The following NIM1K variants were observed in gnomAD, a reference collection of about 807,000 sequenced individuals.
NIM1K encodes the protein NIM1 serine/threonine protein kinase.
NIM1K carries 35 observed loss-of-function variants against 37.1 expected under a neutral mutation model. The ratio of observed to expected loss-of-function variants is 0.94; its 90% CI spans 0.72 to 1.25. The LOEUF is 1.25. Ranked by LOEUF, NIM1K falls within the 50% of genes most tolerant of loss-of-function variation. The pLI, the probability that NIM1K is intolerant of heterozygous loss-of-function variation, is 0.00. For synonymous variants in NIM1K, 234 were observed against 206.6 expected, an observed-to-expected ratio of 1.13 and a Z score of -1.14; for missense variants, 564 against 548.0, an observed-to-expected ratio of 1.03 and a Z score of -0.29.
At position 43,280,780 on chromosome 5, in the gene NIM1K, A is replaced by G. The variant is rs1162191139; in HGVS notation, c.*51A>G. On this transcript the variant is annotated 3_prime_UTR_variant, in exon 4 of 4. Coordinates refer to ENST00000326035, the MANE Select transcript of NIM1K (RefSeq NM_153361.4). Reference sequence around the variant, plus strand: ...CCAAGATGATTGTTGCTGCTTCTAAATTTTTTTCAAGGACAACTTGAGTGG... The same window carrying G: ...CCAAGATGATTGTTGCTGCTTCTAAGTTTTTTTCAAGGACAACTTGAGTGG... 3 of 1,480,004 alleles carry G rather than the reference A, an allele frequency of 2.0e-6. No homozygotes were observed. The highest frequency in any genetic ancestry group is 2.3e-5 in the East Asian group (1 of 43,546). 91.7% of individuals were successfully genotyped at this position (1,480,004 alleles called of 1,614,324 possible).
chr5:43,241,174 C>A (rs889657185), intron 1 of NIM1K, among the ~76,000 whole-genome samples: 1 of 151,722 alleles, frequency 6.6e-6, no homozygotes, highest in African/African-American at 2.4e-5. Context: ...TGTGAAAAAT[C>A]TAATTTTAGT....
At chr5:43,237,475 A>C (rs1485481444) in intron 1 of NIM1K, among the ~76,000 whole-genome samples, 1 of 152,250 alleles carries the variant, frequency 6.6e-6, no homozygotes, top group Non-Finnish European at 1.5e-5. Flanking sequence ...CAAAATCTAA[A>C]GGGCAAAGGC....
intron 1 of NIM1K, among the ~76,000 whole-genome samples, chr5:43,227,194 C>T (rs1262542121): frequency 6.6e-6 from 1 of 152,064 alleles, no homozygotes; most frequent in African/African-American, 2.4e-5. Flanking sequence ...AACCCTGTCT[C>T]TACTAAAAAT....
chr5:43,261,951 C>G (rs1028912698), intron 2 of NIM1K, among the ~76,000 whole-genome samples: 1 of 152,188 alleles, frequency 6.6e-6, no homozygotes, highest in East Asian at 1.9e-4. Context: ...GGGCTCCGTT[C>G]TGTTCCATTG....
intron 2 of NIM1K, among the ~76,000 whole-genome samples, chr5:43,259,539 A>T (rs967335191): frequency 1.3e-5 from 2 of 152,134 alleles, no homozygotes; most frequent in African/African-American, 4.8e-5. Context: ...TTAGTGATGT[A>T]GAGTGTTTTT....
chr5:43,219,020 A>T (rs184832032), intron 1 of NIM1K, among the ~76,000 whole-genome samples: 1 of 152,232 alleles, frequency 6.6e-6, no homozygotes, highest in Admixed American at 6.5e-5. Context: ...GTGAGTTCTC[A>T]TGCGATCTGA....
At chr5:43,206,152 C>T (rs1045926295) in intron 1 of NIM1K, among the ~76,000 whole-genome samples, 1 of 152,056 alleles carries the variant, frequency 6.6e-6, no homozygotes, top group Non-Finnish European at 1.5e-5. Context: ...TAAATTTATA[C>T]TCTGTCGGTT....
At chr5:43,270,382 G>T (rs1184649907) in intron 2 of NIM1K, among the ~76,000 whole-genome samples, 1 of 152,196 alleles carries the variant, frequency 6.6e-6, no homozygotes, top group Non-Finnish European at 1.5e-5. Context: ...CTAGGCCTTA[G>T]ATAGGAGTAG....
intron 1 of NIM1K, among the ~76,000 whole-genome samples, chr5:43,199,461 C>G (rs1381424746): frequency 6.6e-6 from 1 of 151,846 alleles, no homozygotes; most frequent in East Asian, 1.9e-4. Context: ...CATCAGAGAC[C>G]TAGTTTATTC....
chr5:43,263,302 A>G (rs1049065246), intron 2 of NIM1K, among the ~76,000 whole-genome samples: 15 of 152,160 alleles, frequency 9.9e-5, no homozygotes, highest in Non-Finnish European at 1.3e-4. Context: ...TTACTGGTCT[A>G]TTCAGGGATT....
intron 1 of NIM1K, among the ~76,000 whole-genome samples, chr5:43,238,188 G>A (rs964485229): frequency 1.3e-5 from 2 of 151,690 alleles, no homozygotes; most frequent in Non-Finnish European, 2.9e-5. Flanking sequence ...AACTACAGGC[G>A]CCCGCCACCA....
At chr5:43,207,753 T>C in intron 1 of NIM1K, 1 of 465,346 alleles carries the variant, frequency 2.1e-6, no homozygotes, top group Non-Finnish European at 4.2e-6. Context: ...ATCGTCTGTG[T>C]CCCTTCATAC....
chr5:43,214,659 C>CA (rs1176660342), intron 1 of NIM1K, among the ~76,000 whole-genome samples: 2 of 151,414 alleles, frequency 1.3e-5, no homozygotes, highest in Middle Eastern at 3.2e-3. Context: ...ACTAAAAATA[C>CA]AAAAAAATTA....
At position 43,245,801 on chromosome 5, in the gene NIM1K, G is replaced by A. The variant is rs376165627; in HGVS notation, c.26G>A (p.Gly9Asp). 1 of 1,609,586 alleles carries A rather than the reference G, an allele frequency of 6.2e-7. No individual in the cohort carries two copies. Among genetic ancestry groups the A allele is most frequent in the Non-Finnish European group, 8.5e-7 (1 of 1,177,324 alleles). The stretch of plus-strand genomic sequence containing the variant: ...ATGACTGCAGTGTATATGAATGGAG[G>A]TGGCCTGGTGAACCCCCACTATGCC... The part of the protein sequence containing the change: MTAVYMNG[G>D]GLVNPHYARW... The change falls in exon 2 of 4, where the codon GGT becomes GAT. Residue 9 changes from glycine (G) to aspartate (D), a missense_variant. Transcript: ENST00000326035.
intron 1 of NIM1K, among the ~76,000 whole-genome samples, chr5:43,197,733 A>G (rs1009340232): frequency 2.0e-5 from 3 of 152,152 alleles, no homozygotes; most frequent in South Asian, 2.1e-4. Flanking sequence ...TCACACCTGG[A>G]AATTCCTTCA....
At chr5:43,278,525 A>G (rs550326913) in intron 3 of NIM1K, among the ~76,000 whole-genome samples, 1 of 152,318 alleles carries the variant, frequency 6.6e-6, no homozygotes, top group South Asian at 2.1e-4. Context: ...TACTACCAAA[A>G]GTTTTAGTCA....
chr5:43,198,217 C>CTTTCTTTCCTTCTTTCTTTCTT (rs1579951069), intron 1 of NIM1K, among the ~76,000 whole-genome samples: 1 of 86,778 alleles, frequency 1.2e-5, no homozygotes, highest in East Asian at 3.3e-4. Context: ...CTCTTTCTTT[C>CTTTCTTTCCTTCTTTCTTTCTT]TTTCTTTCTT....
chr5:43,259,193 T>C (rs952507954), intron 2 of NIM1K, among the ~76,000 whole-genome samples: 3 of 152,230 alleles, frequency 2.0e-5, no homozygotes, highest in African/African-American at 7.2e-5. Context: ...ATCTTTGCAA[T>C]TGTGAATTGT....
intron 1 of NIM1K, among the ~76,000 whole-genome samples, chr5:43,208,579 G>T (rs1195058065): frequency 6.6e-6 from 1 of 151,842 alleles, no homozygotes; most frequent in Non-Finnish European, 1.5e-5. Flanking sequence ...TCCAGCCTGG[G>T]CGACAGGGCA....
Sources: allele counts gnomAD v4.1 joint callset (sites outside exome capture counted in the v4.1 genomes callset), GRCh38; gene constraint gnomAD v4.1.1; transcripts MANE v1.5; gene names NCBI Gene and HGNC (gene_info 2026-07-23, HGNC 2026-07-21).